DNAJC5: variants seen among roughly 807,000 people sequenced by gnomAD.
DNAJC5 encodes the protein dnaJ homolog subfamily C member 5.
In DNAJC5, 1 loss-of-function variant was observed where a neutral mutation model predicts 23.2. The ratio of observed to expected loss-of-function variants is 0.04; its 90% CI spans 0.02 to 0.20. The LOEUF (loss-of-function observed/expected upper bound fraction) is 0.20. Ranked by LOEUF, DNAJC5 falls within the 10% of genes least tolerant of loss-of-function variation. The pLI is 1.00. For missense variants in DNAJC5, 180 were observed against 267.0 expected (o/e 0.67, Z 2.27); for synonymous variants, 136 against 120.0 (o/e 1.13, Z -0.87).
At chr20:63,903,263 C>T (rs753626842) in intron 1 of DNAJC5, among the ~76,000 whole-genome samples, 13 of 152,102 alleles carry the variant, frequency 8.5e-5, no homozygotes, top group Non-Finnish European at 1.8e-4. Flanking sequence ...TTAGAATCAC[C>T]CTAACCCTCA....
chr20:63,911,049 A>G (rs958685303), intron 1 of DNAJC5, among the ~76,000 whole-genome samples: 1 of 152,174 alleles, frequency 6.6e-6, no homozygotes, highest in Admixed American at 6.5e-5. Flanking sequence ...GAATTACTGT[A>G]TTCTAAGCAT....
intron 1 of DNAJC5, among the ~76,000 whole-genome samples, chr20:63,913,107 A>ATCTCCCCATCT (rs1568979494): frequency 5.1e-4 from 42 of 81,950 alleles, no homozygotes; most frequent in African/African-American, 2.2e-3. Flanking sequence ...TGTCTCTCCC[A>ATCTCCCCATCT]GAGGTGTTTG....
intron 1 of DNAJC5, among the ~76,000 whole-genome samples, chr20:63,911,772 C>T (rs745386958): frequency 3.6e-4 from 55 of 151,786 alleles, no homozygotes; most frequent in African/African-American, 1.1e-3. Context: ...CTCCTGGGCT[C>T]GAGTGATCCT....
rs1194982938 is a variant in DNAJC5, at chr20:63,931,817, T to C, written c.*249T>C. 2 of 549,300 alleles carry C rather than the reference T, an allele frequency of 3.6e-6. No individual in the cohort carries two copies. Among genetic ancestry groups the C allele is most frequent in the Non-Finnish European group, 3.3e-6 (1 of 301,924 alleles). 34.0% of individuals were successfully genotyped at this position (549,300 alleles called of 1,614,324 possible). On this transcript the variant is annotated 3_prime_UTR_variant, in exon 5 of 5. Transcript: ENST00000360864. This position sits in a 1 kb window ranked among gnomAD's most constrained non-coding sequence, Gnocchi z 9.6. The stretch of plus-strand genomic sequence containing the variant: ...TTTTAATAGCATGTATGGGGTTCTG[T>C]TCCATGTCTGTGTTGTGGACATTCC...
intron 1 of DNAJC5, chr20:63,919,298 A>C: frequency 2.2e-6 from 1 of 450,070 alleles, no homozygotes. Flanking sequence ...CTGAGAACAG[A>C]GCGAGGCATG....
At position 63,928,935 on chromosome 20, in the gene DNAJC5, G is replaced by C. The variant is rs181035691; in HGVS notation, c.108-377G>C. Among the ~76,000 whole-genome samples, 3 of 152,318 alleles carry C rather than the reference G, an allele frequency of 2.0e-5. No homozygotes were observed. The highest frequency in any genetic ancestry group is 1.9e-4 in the East Asian group (1 of 5,188). Reference sequence around the variant, plus strand: ...AGTCCTCCTCTCGTGTGCTAGCATCGTGTAGTTCATAAAACACTTCTTAAA... The same window carrying C: ...AGTCCTCCTCTCGTGTGCTAGCATCCTGTAGTTCATAAAACACTTCTTAAA... On this transcript the variant is annotated intron_variant, in intron 2 of 4. Transcript: ENST00000360864. This position sits in a 1 kb window ranked among gnomAD's most constrained non-coding sequence, Gnocchi z 4.6.
chr20:63,921,662 C>G (rs2146295184), intron 1 of DNAJC5, among the ~76,000 whole-genome samples: 1 of 152,266 alleles, frequency 6.6e-6, no homozygotes, highest in Non-Finnish European at 1.5e-5. Context: ...GCGAATAACG[C>G]TGATGGCAGC....
rs2427562 is a variant in DNAJC5 at position 63,920,909 on chromosome 20, A to G, written c.-11-7426A>G. ...TCAGGCTGGTCTCGAACTCCTGGCC[A>G]CAAGAAGCAATCCACCTGCCTCAGC... On this transcript the variant is annotated intron_variant, in intron 1 of 4. Transcript: ENST00000360864. This position sits in a 1 kb window ranked among gnomAD's most constrained non-coding sequence, Gnocchi z 4.6. 0.46 allele frequency among the ~76,000 whole-genome samples: 69,120 copies of G among 151,442 alleles called. 18,424 individuals are homozygous for G. The highest frequency in any genetic ancestry group is 0.94 in the East Asian group (4,860 of 5,160).
rs573805681 is a variant in DNAJC5 at position 63,905,068 on chromosome 20, G to C, written c.-12+9745G>C. On this transcript the variant is annotated intron_variant, in intron 1 of 4. Coordinates refer to ENST00000360864, the MANE Select transcript of DNAJC5 (RefSeq NM_025219.3). Reference sequence around the variant, plus strand: ...GATCCGCCTGCCTCGGCCTCCCAAAGTGTCAGGATTATAGGGTGAGCCACC... The same window carrying C: ...GATCCGCCTGCCTCGGCCTCCCAAACTGTCAGGATTATAGGGTGAGCCACC... Among the ~76,000 whole-genome samples, 150 of 149,874 alleles carry C rather than the reference G, an allele frequency of 1.0e-3. 1 individual carries two copies. Among genetic ancestry groups the C allele is most frequent in the Non-Finnish European group, 1.3e-3 (90 of 67,762 alleles).
intron 1 of DNAJC5, among the ~76,000 whole-genome samples, chr20:63,912,613 G>A (rs900227089): frequency 3.3e-5 from 5 of 152,056 alleles, no homozygotes; most frequent in African/African-American, 1.2e-4. Context: ...TTGTTTGTTT[G>A]TTTTTGAGAC....
At chr20:63,921,378 TGTG>T (rs2053570785) in intron 1 of DNAJC5, among the ~76,000 whole-genome samples, 1 of 151,948 alleles carries the variant, frequency 6.6e-6, no homozygotes, top group African/African-American at 2.4e-5. Flanking sequence ...GATCACGAGG[TGTG>T]GTGATCAAGA....
At chr20:63,930,409 G>A (rs1253615248) in intron 3 of DNAJC5, among the ~76,000 whole-genome samples, 1 of 152,034 alleles carries the variant, frequency 6.6e-6, no homozygotes, top group East Asian at 1.9e-4. Context: ...GTGCAGTGGC[G>A]CGATCTTGGC....
chr20:63,905,655 C>T (rs1284589279), intron 1 of DNAJC5, among the ~76,000 whole-genome samples: 1 of 151,448 alleles, frequency 6.6e-6, no homozygotes, highest in African/African-American at 2.4e-5. Context: ...CTGCAACCTC[C>T]GCCTCCTGGG....
intron 1 of DNAJC5, among the ~76,000 whole-genome samples, chr20:63,905,237 T>C (rs1376647230): frequency 6.6e-6 from 1 of 151,464 alleles, no homozygotes; most frequent in African/African-American, 2.4e-5. Context: ...TGCCTCAGCC[T>C]CCTGAGTAGC....
chr20:63,910,913 C>T (rs2053479154), intron 1 of DNAJC5, among the ~76,000 whole-genome samples: 1 of 152,178 alleles, frequency 6.6e-6, no homozygotes, highest in South Asian at 2.1e-4. Flanking sequence ...TCATGATCCG[C>T]CTGCCTTGGC....
At chr20:63,921,853 A>T (rs2053576023) in intron 1 of DNAJC5, among the ~76,000 whole-genome samples, 1 of 151,686 alleles carries the variant, frequency 6.6e-6, no homozygotes, top group Admixed American at 6.6e-5. Flanking sequence ...ATTTCAGTTC[A>T]CTGCAACCTC....
chr20:63,920,629 G>C lies in DNAJC5; in HGVS notation c.-11-7706G>C, dbSNP rs1016992368. ...CCAGCAGAACGGACTGGGATACGCT[G>C]GATTTGTAAAACGTGACCCTTTTTG... On this transcript the variant is annotated intron_variant, in intron 1 of 4. Coordinates refer to ENST00000360864, the MANE Select transcript of DNAJC5 (RefSeq NM_025219.3). The surrounding 1 kb of genome is among the most constrained non-coding windows in gnomAD (Gnocchi z 4.6). Among the ~76,000 whole-genome samples the C allele has an allele frequency of 2.6e-5, 4 of 152,220 alleles. No homozygotes were observed. Among genetic ancestry groups the C allele is most frequent in the Non-Finnish European group, 5.9e-5 (4 of 68,034 alleles).
intron 1 of DNAJC5, among the ~76,000 whole-genome samples, chr20:63,903,033 G>C (rs1341465227): frequency 1.3e-5 from 2 of 151,772 alleles, no homozygotes; most frequent in Non-Finnish European, 2.9e-5. Flanking sequence ...AGTTAGAGAG[G>C]AGTGACACAG....
At chr20:63,914,734 G>A (rs1253429252) in intron 1 of DNAJC5, among the ~76,000 whole-genome samples, 3 of 151,256 alleles carry the variant, frequency 2.0e-5, no homozygotes, top group Non-Finnish European at 4.4e-5. Flanking sequence ...TTCTGCTTCA[G>A]CCTGCTGAGT....
Sources: allele counts gnomAD v4.1 joint callset (sites outside exome capture counted in the v4.1 genomes callset), GRCh38; gene constraint gnomAD v4.1.1; non-coding constraint Gnocchi (gnomAD v3.1); transcripts MANE v1.5; gene names NCBI Gene and HGNC (gene_info 2026-07-23, HGNC 2026-07-21).